Variants in ZNF695 observed in about 807,000 individuals in gnomAD.
ZNF695 encodes zinc finger protein 695.
ZNF695 carries 11 observed loss-of-function variants against 11.2 expected under a neutral mutation model. That is an observed-to-expected ratio of 0.98 (90% CI 0.62 to 1.62). The LOEUF is 1.62. Among genes scored for constraint, ZNF695 ranks in the 40% most tolerant of loss-of-function variants. The probability of loss-of-function intolerance (pLI) is 0.00; values close to 1 mark genes in which losing one functional copy is unlikely to be tolerated. For synonymous variants in ZNF695, 190 were observed against 201.4 expected, an observed-to-expected ratio of 0.94 and a Z score of 0.48; for missense variants, 559 against 590.5, an observed-to-expected ratio of 0.95 and a Z score of 0.55.
chr1:246,987,027 T>C lies in ZNF695; in HGVS notation c.1488A>G (p.Glu496=), dbSNP rs1278479759. The change falls in exon 4 of 4, where the codon GAA becomes GAG. Residue 496 remains glutamate (E), a synonymous_variant. Transcript: ENST00000339986. ...CAGAGTGGTTAAAGGCTTTGCCACA[T>C]TCCTCACACTTGTATGGTTTCTCTC... The part of the protein sequence containing the change: ...HTREKPYKCE[E]CGKAFNHSAQ... 2.5e-6 allele frequency: 4 copies of C among 1,611,722 alleles called. No homozygotes were observed. The Admixed American group carries it at 5.0e-5, about 20-fold the overall frequency.
chr1:246,991,581 C>T (rs1202480944), intron 3 of ZNF695, among the ~76,000 whole-genome samples: 1 of 152,154 alleles, frequency 6.6e-6, no homozygotes, highest in Non-Finnish European at 1.5e-5. Flanking sequence ...GAGATATCAT[C>T]TCACCCCAGT....
Position 246,985,351 on chromosome 1 carries a change from T to A in ZNF695, c.*1616A>T. On this transcript the variant is annotated 3_prime_UTR_variant, in exon 4 of 4. Transcript: ENST00000339986. ...GATTATAATCCTATATAGGCTTTAT[T>A]ATAGCCTTAATAATGACACTGTCAT... is the stretch of plus-strand genomic sequence containing the variant. 1.0e-6 allele frequency: 1 copy of A among 984,590 alleles called. No homozygotes were observed. The highest frequency in any genetic ancestry group is 5.2e-4 in the Middle Eastern group (1 of 1,912). 61.0% of individuals were successfully genotyped at this position (984,590 alleles called of 1,614,324 possible). A position where few individuals can be genotyped will look rare whatever the true frequency, so the allele number is the denominator to read the frequency against.
chr1:246,975,640 A>AT (rs1483945802), intron 4 of ZNF695, among the ~76,000 whole-genome samples: 2 of 152,334 alleles, frequency 1.3e-5, no homozygotes, highest in East Asian at 3.9e-4. Flanking sequence ...TGGCATGCAA[A>AT]TGCTGAGGGC....
At chr1:246,946,880 G>A (rs938567623) in intron 5 of ZNF695, among the ~76,000 whole-genome samples, 3 of 152,172 alleles carry the variant, frequency 2.0e-5, no homozygotes, top group Non-Finnish European at 4.4e-5. Context: ...GGTGGCACAC[G>A]CCTGTAATCC....
chr1:246,988,230 G>A lies in ZNF695; in HGVS notation c.285C>T (p.Asp95=). 6.4e-7 allele frequency: 1 copy of A among 1,573,426 alleles called. No homozygotes were observed. The highest frequency in any genetic ancestry group is 8.6e-7 in the Non-Finnish European group (1 of 1,164,380). ...HSVLSSYLTE[D]ILPEQGLQVS... ...CTTGCAGGCCCTGCTCTGGCAAAAT[G>A]TCTTCAGTAAGATAAGAAGACAAAA... The change falls in exon 4 of 4, where the codon GAC becomes GAT. Residue 95 remains aspartate (D), a synonymous_variant. Transcript: ENST00000339986.
At chr1:246,989,148 C>T (rs1668949242) in intron 3 of ZNF695, among the ~76,000 whole-genome samples, 1 of 151,270 alleles carries the variant, frequency 6.6e-6, no homozygotes, top group Non-Finnish European at 1.5e-5. Context: ...GCCTGTAATC[C>T]TAGCTACTCG....
chr1:246,946,127 C>T (rs1233977676), intron 5 of ZNF695, among the ~76,000 whole-genome samples: 2 of 152,104 alleles, frequency 1.3e-5, no homozygotes, highest in Admixed American at 1.3e-4. Context: ...AATGAAAATG[C>T]TCCCCGTGCC....
intron 1 of ZNF695, 77 bp from the exon 2 acceptor site, chr1:247,000,151 G>A (rs1175631426): frequency 8.0e-7 from 1 of 1,251,112 alleles, no homozygotes; most frequent in African/African-American, 1.5e-5. Context: ...AGACAGTGAA[G>A]AGAACTGGCT....
At chr1:247,003,581 T>A (rs780611080) in intron 1 of ZNF695, among the ~76,000 whole-genome samples, 8 of 152,048 alleles carry the variant, frequency 5.3e-5, no homozygotes, top group Non-Finnish European at 2.9e-5. Context: ...GCACACATAC[T>A]CCCTGAATCT....
exon 5 of ZNF695, chr1:246,967,703 G>A (rs1173190175): frequency 5.1e-6 from 2 of 394,858 alleles, no homozygotes; most frequent in South Asian, 3.8e-5. Flanking sequence ...ACGGTTCTGT[G>A]GGCTTTACAT....
At chr1:246,999,860 A>T (rs779555775) in intron 2 of ZNF695, 52 bp downstream of exon 2, 89 of 1,575,828 alleles carry the variant, frequency 5.6e-5, no homozygotes, top group Non-Finnish European at 7.5e-5. Flanking sequence ...CATTCATGCA[A>T]ATCAGAAACT....
At chr1:246,980,237 T>G (rs1668673489) in intron 4 of ZNF695, among the ~76,000 whole-genome samples, 1 of 144,402 alleles carries the variant, frequency 6.9e-6, no homozygotes, top group South Asian at 2.2e-4. Flanking sequence ...AATTTGTCAA[T>G]CAGTTACATA....
At chr1:246,994,754 G>A (rs545960817) in intron 3 of ZNF695, among the ~76,000 whole-genome samples, 26 of 151,132 alleles carry the variant, frequency 1.7e-4, no homozygotes, top group South Asian at 1.5e-3. Context: ...GGAGAATGGC[G>A]TGAACCCGGG....
chr1:246,999,313 C>G, intron 3 of ZNF695, 35 bp downstream of exon 3: 1 of 1,522,100 alleles, frequency 6.6e-7, no homozygotes, highest in Non-Finnish European at 9.1e-7. Context: ...ATCCTTCAAC[C>G]CCTACCTGTG....
Position 246,986,681 on chromosome 1 carries a change from C to G in ZNF695, c.*286G>C, listed in dbSNP as rs1668858460. On this transcript the variant is annotated 3_prime_UTR_variant, in exon 4 of 4. Transcript: ENST00000339986. ...ACATTTGTAGGGTTTCTCTCCAATA[C>G]AAAGTCTTTGAAATTGAATACAGTT... 3 of 1,088,804 alleles carry G rather than the reference C, an allele frequency of 2.8e-6. No individual in the cohort carries two copies. 67.4% of individuals were successfully genotyped at this position (1,088,804 alleles called of 1,614,324 possible).
At chr1:246,970,900 G>T (rs1301561099) in intron 4 of ZNF695, among the ~76,000 whole-genome samples, 2 of 152,238 alleles carry the variant, frequency 1.3e-5, no homozygotes, top group African/African-American at 4.8e-5. Context: ...CCGAGTAGCT[G>T]GGATTACAGG....
Position 246,999,394 on chromosome 1 carries a change from C to T in ZNF695, c.213G>A (p.Arg71=). Residue 71 remains arginine (R), a synonymous_variant, in exon 3 of 4, where the codon AGG becomes AGA. Transcript: ENST00000339986. Reference sequence around the variant, plus strand: ...CTGTGTTCACGTTCCAGGGCTCTTTCCTTGCCTCCAGACAGATGATCAGTT... The same window carrying T: ...CTGTGTTCACGTTCCAGGGCTCTTTTCTTGCCTCCAGACAGATGATCAGTT... The part of the protein sequence containing the change: ...KPELIICLEA[R]KEPWNVNTEK... 2 of 1,614,062 alleles carry T rather than the reference C, an allele frequency of 1.2e-6. No individual in the cohort carries two copies. The highest frequency in any genetic ancestry group is 1.7e-6 in the Non-Finnish European group (2 of 1,180,008).
At chr1:246,975,469 C>T (rs932075260) in intron 4 of ZNF695, among the ~76,000 whole-genome samples, 7 of 152,284 alleles carry the variant, frequency 4.6e-5, no homozygotes, top group Admixed American at 2.0e-4. Flanking sequence ...AACATATGAA[C>T]GCAGACCATT....
At chr1:246,949,779 A>AT (rs199997145) in intron 5 of ZNF695, among the ~76,000 whole-genome samples, 1,575 of 151,774 alleles carry the variant, frequency 0.01, 23 homozygotes, top group African/African-American at 0.035. Flanking sequence ...TTGAGATATA[A>AT]TTTTTTTTAC....
Sources: allele counts gnomAD v4.1 joint callset (sites outside exome capture counted in the v4.1 genomes callset), GRCh38; gene constraint gnomAD v4.1.1; transcripts MANE v1.5; gene names NCBI Gene and HGNC (gene_info 2026-07-23, HGNC 2026-07-21).